GPR137C: variants seen among roughly 807,000 people sequenced by gnomAD.
GPR137C encodes G protein-coupled receptor 137C.
Under a neutral mutation model 43.4 loss-of-function variants are expected in GPR137C, and 27 were observed. That is an observed-to-expected ratio of 0.62 (90% CI 0.46 to 0.86). The LOEUF is 0.86. Ranked by LOEUF, GPR137C falls within the 40% of genes least tolerant of loss-of-function variation. GPR137C has a pLI of 0.00. For synonymous variants in GPR137C, 285 were observed against 226.9 expected, an observed-to-expected ratio of 1.26 and a Z score of -2.30; for missense variants, 522 against 534.6, an observed-to-expected ratio of 0.98 and a Z score of 0.23.
intron 3 of GPR137C, among the ~76,000 whole-genome samples, chr14:52,627,572 T>C (rs2039242517): frequency 6.6e-6 from 1 of 150,802 alleles, no homozygotes; most frequent in Non-Finnish European, 1.5e-5. Context: ...GTCTGGGCAG[T>C]GCGGTGGCTC....
chr14:52,629,289 A>G (rs1035844265), intron 3 of GPR137C, among the ~76,000 whole-genome samples: 1 of 152,228 alleles, frequency 6.6e-6, no homozygotes, highest in Admixed American at 6.5e-5. Flanking sequence ...AAAAGAGGTG[A>G]AAACATATCC....
chr14:52,611,831 G>A (rs2039042128), intron 3 of GPR137C: 2 of 581,138 alleles, frequency 3.4e-6, no homozygotes, highest in Non-Finnish European at 4.3e-6. Flanking sequence ...TGTCCATAGT[G>A]GTGTTGCAAG....
At chr14:52,557,059 A>G (rs978179594) in intron 1 of GPR137C, among the ~76,000 whole-genome samples, 2 of 152,178 alleles carry the variant, frequency 1.3e-5, no homozygotes, top group Non-Finnish European at 2.9e-5. Flanking sequence ...TTCAAATAAC[A>G]TGCAAGTCAA....
chr14:52,557,098 T>A (rs2038206572), intron 1 of GPR137C, among the ~76,000 whole-genome samples: 1 of 152,196 alleles, frequency 6.6e-6, no homozygotes, highest in African/African-American at 2.4e-5. Flanking sequence ...TTTGTTCTGT[T>A]CTTTGATTTC....
chr14:52,631,854 C>T lies in GPR137C; in HGVS notation c.718-306C>T, dbSNP rs546990054. The stretch of plus-strand genomic sequence containing the variant: ...ACTAAACTACCTCTTTGATTAACAT[C>T]AATTAAAGTTCAGATCTTTTGCCAA... On this transcript the variant is annotated intron_variant, in intron 3 of 6. Transcript: ENST00000321662. 4.6e-5 allele frequency among the ~76,000 whole-genome samples: 7 copies of T among 151,354 alleles called. No individual in the cohort carries two copies. The East Asian group carries it at 1.2e-3, about 25-fold the overall frequency.
intron 3 of GPR137C, among the ~76,000 whole-genome samples, 162 bp downstream of exon 3, chr14:52,600,503 A>G (rs1211362452): frequency 1.3e-5 from 2 of 152,128 alleles, no homozygotes; most frequent in Non-Finnish European, 2.9e-5. Flanking sequence ...TGCAATGGCT[A>G]TTCACAGATG....
At position 52,562,065 on chromosome 14, in the gene GPR137C, G is replaced by A. The variant is rs143941382; in HGVS notation, c.444+8474G>A. Among the ~76,000 whole-genome samples the A allele has an allele frequency of 2.8e-3, 430 of 152,234 alleles. 1 individual carries two copies. The highest frequency in any genetic ancestry group is 9.7e-3 in the African/African-American group (404 of 41,552). Reference sequence around the variant, plus strand: ...GCAGGGAAGAAATGTACAACCTGCAGCTCCATCATCTAATTTATGTTAGAA... The same window carrying A: ...GCAGGGAAGAAATGTACAACCTGCAACTCCATCATCTAATTTATGTTAGAA... On this transcript the variant is annotated intron_variant, in intron 1 of 6. Transcript: ENST00000321662.
At position 52,578,944 on chromosome 14, in the gene GPR137C, C is replaced by CA. The variant is rs564809341; in HGVS notation, c.445-19313dup. On this transcript the variant is annotated intron_variant, in intron 1 of 6. Transcript: ENST00000321662. ...GGTCAACAAGAGCGAGACTCCGTCT[C>CA]AAAAAAAAAAAAAAAGAATGGAAAC... Among the ~76,000 whole-genome samples, 790 of 93,734 alleles carry CA rather than the reference C, an allele frequency of 8.4e-3. 3 individuals are homozygous for CA. The highest frequency in any genetic ancestry group is 0.012 in the African/African-American group (304 of 25,234). 61.5% of individuals were successfully genotyped at this position (93,734 alleles called of 152,430 possible).
chr14:52,599,823 C>T (rs1398355783), intron 2 of GPR137C, among the ~76,000 whole-genome samples: 1 of 152,010 alleles, frequency 6.6e-6, no homozygotes, highest in Non-Finnish European at 1.5e-5. Context: ...ATTGTAAAAG[C>T]CTGATAATTC....
chr14:52,559,330 C>T (rs575945740), intron 1 of GPR137C, among the ~76,000 whole-genome samples: 8 of 151,896 alleles, frequency 5.3e-5, no homozygotes, highest in East Asian at 1.9e-4. Context: ...TGCAGTGAAC[C>T]GAGATCACAC....
chr14:52,579,525 A>T (rs2038613811), intron 1 of GPR137C, among the ~76,000 whole-genome samples: 1 of 152,148 alleles, frequency 6.6e-6, no homozygotes, highest in African/African-American at 2.4e-5. Context: ...CTAGCTTGGG[A>T]TTCATCTTTC....
At chr14:52,579,380 A>G (rs2038611661) in intron 1 of GPR137C, among the ~76,000 whole-genome samples, 1 of 152,048 alleles carries the variant, frequency 6.6e-6, no homozygotes, top group Non-Finnish European at 1.5e-5. Context: ...GGAAAGAGAG[A>G]TTTAACTGCT....
At chr14:52,559,625 C>T (rs1174439563) in intron 1 of GPR137C, among the ~76,000 whole-genome samples, 1 of 152,024 alleles carries the variant, frequency 6.6e-6, no homozygotes, top group Non-Finnish European at 1.5e-5. Context: ...CAGCATATTA[C>T]CTAGGAGAAG....
At chr14:52,562,608 CA>C (rs1285385975) in intron 1 of GPR137C, among the ~76,000 whole-genome samples, 1 of 151,820 alleles carries the variant, frequency 6.6e-6, no homozygotes, top group Non-Finnish European at 1.5e-5. Flanking sequence ...AAACAGCAAA[CA>C]AAAAACAACT....
At chr14:52,566,379 G>A (rs1273443988) in intron 1 of GPR137C, among the ~76,000 whole-genome samples, 1 of 152,160 alleles carries the variant, frequency 6.6e-6, no homozygotes, top group Non-Finnish European at 1.5e-5. Flanking sequence ...AGGTGGTGTA[G>A]TGTATACTCT....
intron 1 of GPR137C, among the ~76,000 whole-genome samples, chr14:52,575,788 A>G (rs2038541240): frequency 2.0e-5 from 3 of 152,220 alleles, no homozygotes; most frequent in African/African-American, 7.2e-5. Flanking sequence ...TGTGTGTTCC[A>G]GGACAGTCTA....
intron 3 of GPR137C, among the ~76,000 whole-genome samples, chr14:52,625,616 G>A (rs1471081008): frequency 4.9e-5 from 6 of 122,776 alleles, no homozygotes; most frequent in Non-Finnish European, 8.0e-5. Context: ...GTGCAGTGGC[G>A]TGATCTCGGC....
intron 1 of GPR137C, among the ~76,000 whole-genome samples, chr14:52,597,762 G>C (rs983131290): frequency 6.6e-6 from 1 of 152,102 alleles, no homozygotes; most frequent in Non-Finnish European, 1.5e-5. Flanking sequence ...CTTTTGTAAG[G>C]CTTTATAAAA....
In GPR137C at chr14:52,600,012, A is replaced by C; in HGVS notation, c.489-101A>C. The stretch of plus-strand genomic sequence containing the variant: ...AATCTATGCCATTCATAAACATTTC[A>C]AACTGAAGGAATTCTTGTACCTAAC... On this transcript the variant is annotated intron_variant, in intron 2 of 6. Transcript: ENST00000321662. 5.3e-6 allele frequency: 4 copies of C among 755,160 alleles called. No individual in the cohort carries two copies. The South Asian group carries it at 5.4e-5, about 10-fold the overall frequency. 46.8% of individuals were successfully genotyped at this position (755,160 alleles called of 1,614,324 possible). A position where few individuals can be genotyped will look rare whatever the true frequency, so the allele number is the denominator to read the frequency against.
Sources: gnomAD v4.1 joint callset for allele counts (sites outside exome capture counted in the v4.1 genomes callset) on GRCh38, gnomAD v4.1.1 for gene constraint, MANE v1.5 for transcripts, NCBI Gene and HGNC (gene_info 2026-07-23, HGNC 2026-07-21) for gene names.